EPHA6: variants seen among roughly 807,000 people sequenced by gnomAD.
EPHA6 encodes the protein ephrin type-A receptor 6.
In EPHA6, 50 loss-of-function variants were observed where a neutral mutation model predicts 112.0. The ratio of observed to expected loss-of-function variants is 0.45; its 90% CI spans 0.36 to 0.56. The LOEUF is 0.56. Ranked by LOEUF, EPHA6 falls within the 20% of genes least tolerant of loss-of-function variation. EPHA6 has a pLI of 0.00. For synonymous variants in EPHA6, 529 were observed against 490.7 expected, an observed-to-expected ratio of 1.08 and a Z score of -1.03; for missense variants, 1,280 against 1,417.4, an observed-to-expected ratio of 0.90 and a Z score of 1.56.
chr3:97,544,465 T>G (rs2092915838), intron 11 of EPHA6, among the ~76,000 whole-genome samples: 1 of 152,218 alleles, frequency 6.6e-6, no homozygotes, highest in African/African-American at 2.4e-5. Context: ...GTGGATAAGC[T>G]TTCTGATGTG....
At chr3:97,729,373 T>C (rs747089935) in intron 15 of EPHA6, among the ~76,000 whole-genome samples, 2 of 152,104 alleles carry the variant, frequency 1.3e-5, no homozygotes, top group Non-Finnish European at 2.9e-5. Flanking sequence ...CAGTTCCTCA[T>C]GGCTGGGGAG....
intron 14 of EPHA6, among the ~76,000 whole-genome samples, chr3:97,641,712 G>C (rs180916571): frequency 6.6e-6 from 1 of 152,202 alleles, no homozygotes. Context: ...ACTCCCACCC[G>C]AATATTGCGC....
intron 3 of EPHA6, among the ~76,000 whole-genome samples, chr3:97,119,638 G>A (rs1480166128): frequency 6.6e-6 from 1 of 152,002 alleles, no homozygotes; most frequent in Non-Finnish European, 1.5e-5. Context: ...AGGATTCTGA[G>A]TGATTACTAT....
intron 6 of EPHA6, among the ~76,000 whole-genome samples, chr3:97,442,828 G>A (rs2090182757): frequency 6.6e-6 from 1 of 152,040 alleles, no homozygotes; most frequent in South Asian, 2.1e-4. Context: ...AGTCCACGGG[G>A]TTCAGTGTCT....
At chr3:97,645,071 T>C (rs1229285790) in intron 14 of EPHA6, among the ~76,000 whole-genome samples, 3 of 151,946 alleles carry the variant, frequency 2.0e-5, no homozygotes, top group Non-Finnish European at 4.4e-5. Context: ...CAGCAGCATA[T>C]CAAAAAGCTT....
At chr3:97,002,353 C>T (rs2043698229) in intron 3 of EPHA6, among the ~76,000 whole-genome samples, 2 of 148,658 alleles carry the variant, frequency 1.3e-5, no homozygotes, top group Non-Finnish European at 3.0e-5. Flanking sequence ...TTAAATTAGC[C>T]TATAAAATAA....
At chr3:97,132,012 G>GTATA (rs1229219416) in intron 3 of EPHA6, among the ~76,000 whole-genome samples, 1 of 152,038 alleles carries the variant, frequency 6.6e-6, no homozygotes, top group Non-Finnish European at 1.5e-5. Context: ...CTTGTAAATT[G>GTATA]TATATATGGC....
In EPHA6 at chr3:96,987,889, G is replaced by A. The variant is rs572811264; in HGVS notation, c.1010G>A (p.Arg337His). ...RGSCVKSAEE[R>H]DTPKLYCGAD... is the part of the protein sequence containing the mutation. ...TCTTGTGTGAAGAGTGCTGAAGAGC[G>A]TGACACTCCTAAACTGTATTGTGGA... The change falls in exon 3 of 18, where the codon CGT (arginine) becomes CAT (histidine). Residue 337 changes from arginine (R) to histidine (H), a missense_variant. Physicochemically the swap from Arg to His is conservative, Grantham distance 29 (BLOSUM62 0). This residue lies in a region of EPHA6 where 878 missense variants were observed against 999.7 expected (regional missense o/e 0.88). Coordinates refer to ENST00000389672, the MANE Select transcript of EPHA6 (RefSeq NM_001080448.3). 19 of 1,613,672 alleles carry A rather than the reference G, an allele frequency of 1.2e-5. No individual in the cohort carries two copies. Among genetic ancestry groups the A allele is most frequent in the African/African-American group, 5.3e-5 (4 of 74,880 alleles).
At position 97,644,694 on chromosome 3, in the gene EPHA6, T is replaced by C. The variant is rs556242271; in HGVS notation, c.2784+6612T>C. 1.1e-3 allele frequency among the ~76,000 whole-genome samples: 159 copies of C among 149,628 alleles called. 1 individual carries two copies. The highest frequency in any genetic ancestry group is 3.8e-3 in the African/African-American group (154 of 40,762). On this transcript the variant is annotated intron_variant, in intron 14 of 17. Coordinates refer to ENST00000389672, the MANE Select transcript of EPHA6 (RefSeq NM_001080448.3). ...AATAAACTAGAAAATCTAGAAGAAA[T>C]GGATAAATTCCTTGACACATACACT...
rs1326108056 is a variant in EPHA6 at position 96,981,739 on chromosome 3, G to T, written c.451-5591G>T. Among the ~76,000 whole-genome samples the T allele has an allele frequency of 2.0e-5, 3 of 151,934 alleles. 1 individual carries two copies. Among genetic ancestry groups the T allele is most frequent in the African/African-American group, 7.3e-5 (3 of 41,374 alleles). ...TATTGCCTCAATTTCAGAGCTTGTT[G>T]TTGGTCCATTCAGAGATTCAACTTC... is the stretch of plus-strand genomic sequence containing the variant. On this transcript the variant is annotated intron_variant, in intron 2 of 17. Coordinates refer to ENST00000389672, the MANE Select transcript of EPHA6 (RefSeq NM_001080448.3).
chr3:96,836,705 A>G (rs920064155), intron 1 of EPHA6, among the ~76,000 whole-genome samples: 4 of 152,220 alleles, frequency 2.6e-5, no homozygotes, highest in Non-Finnish European at 5.9e-5. Context: ...AGTAAAAGGA[A>G]GGGCAGATAA....
At chr3:97,169,639 T>A (rs1006935035) in intron 3 of EPHA6, among the ~76,000 whole-genome samples, 1 of 152,174 alleles carries the variant, frequency 6.6e-6, no homozygotes, top group Admixed American at 6.6e-5. Context: ...GTCAAACTAA[T>A]ATAAATTCAT....
rs2108970258 is a variant in EPHA6, at chr3:97,368,909, T to C, written c.1607-36241T>C. On this transcript the variant is annotated intron_variant, in intron 5 of 17. Transcript: ENST00000389672. ...AGTATTTACTCCTTGTGATTACTAT[T>C]ATAAGGAAAATAACCTGGTTGCTAT... 1.3e-5 allele frequency among the ~76,000 whole-genome samples: 2 copies of C among 152,264 alleles called. 1 individual carries two copies. Among genetic ancestry groups the C allele is most frequent in the South Asian group, 4.1e-4 (2 of 4,830 alleles).
At chr3:97,599,256 A>C (rs1373643205) in intron 12 of EPHA6, among the ~76,000 whole-genome samples, 3 of 149,038 alleles carry the variant, frequency 2.0e-5, no homozygotes, top group Non-Finnish European at 4.5e-5. Context: ...GCTGTGCAGA[A>C]GCTCTTTAGT....
chr3:97,434,556 A>C (rs773635771), intron 6 of EPHA6, among the ~76,000 whole-genome samples: 8 of 152,170 alleles, frequency 5.3e-5, no homozygotes, highest in African/African-American at 9.6e-5. Flanking sequence ...CAATCTAGTG[A>C]CAAAAAAATA....
chr3:97,689,759 AC>A (rs907044594), intron 14 of EPHA6, among the ~76,000 whole-genome samples: 1 of 151,790 alleles, frequency 6.6e-6, no homozygotes, highest in East Asian at 1.9e-4. Flanking sequence ...ACATTGTCAC[AC>A]CCCCCCTAAA....
intron 14 of EPHA6, among the ~76,000 whole-genome samples, chr3:97,690,046 G>T (rs1039362627): frequency 6.6e-6 from 1 of 152,092 alleles, no homozygotes; most frequent in African/African-American, 2.4e-5. Flanking sequence ...TGAACATTTG[G>T]GTTGTTTCTG....
chr3:96,925,717 T>C (rs1293131655), intron 2 of EPHA6, among the ~76,000 whole-genome samples: 1 of 151,474 alleles, frequency 6.6e-6, no homozygotes, highest in Non-Finnish European at 1.5e-5. Context: ...GTGATTCTCC[T>C]GCCTCAGTCT....
At position 97,754,910 on chromosome 3, in the gene EPHA6, A is replaced by G. The variant is rs2035988902; in HGVS notation, c.*6209A>G. On this transcript the variant is annotated 3_prime_UTR_variant, in exon 18 of 18. Coordinates refer to ENST00000389672, the MANE Select transcript of EPHA6 (RefSeq NM_001080448.3). ...AGTAGAGACGGAGTTTCACCGTGTT[A>G]GCCAGGATGGTCTCGATCTCCTGAC... Among the ~76,000 whole-genome samples the G allele has an allele frequency of 6.6e-6, 1 of 152,014 alleles. No individual in the cohort carries two copies. The highest frequency in any genetic ancestry group is 2.1e-4 in the South Asian group (1 of 4,820).
Sources: allele counts gnomAD v4.1 joint callset (sites outside exome capture counted in the v4.1 genomes callset), GRCh38; gene constraint gnomAD v4.1.1; regional missense constraint gnomAD v4.1.1; transcripts MANE v1.5; gene names NCBI Gene and HGNC (gene_info 2026-07-23, HGNC 2026-07-21).